DAB1: variants seen among roughly 807,000 people sequenced by gnomAD.
DAB1 encodes DAB adaptor protein 1.
In DAB1, 15 loss-of-function variants were observed where a neutral mutation model predicts 64.6. That is an observed-to-expected ratio of 0.23 (90% CI 0.16 to 0.36). The LOEUF (loss-of-function observed/expected upper bound fraction) is 0.36, where lower values mean the gene tolerates loss of function less well. Ranked by LOEUF, DAB1 falls within the 10% of genes least tolerant of loss-of-function variation. The probability of loss-of-function intolerance (pLI) is 1.00; values close to 1 mark genes in which losing one functional copy is unlikely to be tolerated. For missense variants in DAB1, 596 were observed against 706.7 expected, an observed-to-expected ratio of 0.84 and a Z score of 1.78; for synonymous variants, 235 against 251.9, an observed-to-expected ratio of 0.93 and a Z score of 0.64.
intron 5 of DAB1, among the ~76,000 whole-genome samples, chr1:58,080,634 G>A (rs961986331): frequency 1.3e-5 from 2 of 152,216 alleles, no homozygotes; most frequent in Non-Finnish European, 2.9e-5. Flanking sequence ...AATTTGGGCT[G>A]TGCCTCTCAT....
chr1:58,347,375 T>C (rs913821071), intron 3 of DAB1, among the ~76,000 whole-genome samples: 2 of 152,210 alleles, frequency 1.3e-5, no homozygotes, highest in African/African-American at 4.8e-5. Flanking sequence ...CCCAAAGTGC[T>C]GATTGCAGGC....
At chr1:57,053,761 C>T (rs11589281) in intron 9 of DAB1, among the ~76,000 whole-genome samples, 48,776 of 144,640 alleles carry the variant, frequency 0.34, 9,060 homozygotes, top group Middle Eastern at 0.47. Context: ...GATCTCGGCT[C>T]ACTGAAACCT....
intron 2 of DAB1, among the ~76,000 whole-genome samples, chr1:57,175,878 ATTC>A (rs1158325959): frequency 1.3e-5 from 2 of 152,208 alleles, no homozygotes; most frequent in East Asian, 3.9e-4. Context: ...CCAGGCTGAT[ATTC>A]TGAGTAGACT....
intron 3 of DAB1, among the ~76,000 whole-genome samples, chr1:58,421,303 A>T (rs949990136): frequency 6.6e-6 from 1 of 152,224 alleles, no homozygotes; most frequent in Admixed American, 6.5e-5. Flanking sequence ...TTACAATGTG[A>T]TGCCTAATAT....
chr1:58,299,846 AG>A (rs1662081117), intron 4 of DAB1, among the ~76,000 whole-genome samples: 1 of 152,136 alleles, frequency 6.6e-6, no homozygotes, highest in Non-Finnish European at 1.5e-5. Flanking sequence ...TGGGCTTGCT[AG>A]TACATACCTT....
At chr1:57,080,754 AC>A (rs1652432887) in intron 4 of DAB1, among the ~76,000 whole-genome samples, 1 of 119,360 alleles carries the variant, frequency 8.4e-6, no homozygotes, top group Admixed American at 8.0e-5. Flanking sequence ...ACACACACAC[AC>A]GCACACACAC....
At chr1:57,282,771 TTA>T (rs1343013865) in intron 2 of DAB1, among the ~76,000 whole-genome samples, 1 of 152,180 alleles carries the variant, frequency 6.6e-6, no homozygotes, top group Non-Finnish European at 1.5e-5. Context: ...TCAGAAAAAT[TTA>T]TCTTTTCTTA....
chr1:57,856,958 T>C (rs1289215630), intron 1 of DAB1, among the ~76,000 whole-genome samples: 1 of 152,022 alleles, frequency 6.6e-6, no homozygotes, highest in Non-Finnish European at 1.5e-5. Context: ...CTTTCACTGA[T>C]TAAAAGGATG....
At chr1:58,399,561 G>C (rs1365336575) in intron 3 of DAB1, among the ~76,000 whole-genome samples, 1 of 152,214 alleles carries the variant, frequency 6.6e-6, no homozygotes, top group Admixed American at 6.5e-5. Flanking sequence ...TGGTGAATCT[G>C]AGAACCAAAC....
At chr1:57,314,255 C>T (rs1674992676) in intron 1 of DAB1, among the ~76,000 whole-genome samples, 1 of 152,168 alleles carries the variant, frequency 6.6e-6, no homozygotes, top group South Asian at 2.1e-4. Flanking sequence ...AAACATTTTC[C>T]CACCAAGGGG....
chr1:58,479,765 T>C (rs1645454793), intron 3 of DAB1, among the ~76,000 whole-genome samples: 1 of 152,196 alleles, frequency 6.6e-6, no homozygotes, highest in Admixed American at 6.5e-5. Context: ...AATGGACAGA[T>C]TTGTAGTCAG....
At chr1:57,474,222 T>C (rs1407244982) in intron 7 of DAB1, among the ~76,000 whole-genome samples, 2 of 152,210 alleles carry the variant, frequency 1.3e-5, no homozygotes, top group African/African-American at 2.4e-5. Flanking sequence ...GTGAAGCAGA[T>C]AGTAAGGCTA....
chr1:57,615,466 G>C (rs1025024181), intron 7 of DAB1, among the ~76,000 whole-genome samples: 1 of 152,292 alleles, frequency 6.6e-6, no homozygotes, highest in South Asian at 2.1e-4. Flanking sequence ...GGACTTCACA[G>C]AGTAGCACTG....
intron 1 of DAB1, among the ~76,000 whole-genome samples, chr1:57,298,710 T>C (rs1038547866): frequency 2.6e-5 from 4 of 151,778 alleles, no homozygotes; most frequent in African/African-American, 7.3e-5. Flanking sequence ...TAGGATAAAC[T>C]AAATAAACAA....
intron 4 of DAB1, among the ~76,000 whole-genome samples, chr1:58,162,042 C>A (rs1001989099): frequency 6.6e-6 from 1 of 152,038 alleles, no homozygotes; most frequent in Non-Finnish European, 1.5e-5. Flanking sequence ...TACAGAGGGG[C>A]TGAGACAGGT....
intron 6 of DAB1, among the ~76,000 whole-genome samples, chr1:57,660,676 A>T (rs1646376317): frequency 6.6e-6 from 1 of 152,154 alleles, no homozygotes; most frequent in Admixed American, 6.5e-5. Context: ...TTGCTCCCCT[A>T]ATGTCCTTGG....
intron 6 of DAB1, among the ~76,000 whole-genome samples, chr1:57,804,234 G>A (rs1651259983): frequency 6.6e-6 from 1 of 152,150 alleles, no homozygotes; most frequent in Non-Finnish European, 1.5e-5. Context: ...GGCTAAAGCT[G>A]GTATGGAACT....
chr1:57,661,426 T>C (rs1177353697), intron 6 of DAB1, among the ~76,000 whole-genome samples: 2 of 152,218 alleles, frequency 1.3e-5, no homozygotes, highest in African/African-American at 4.8e-5. Flanking sequence ...GGTTACCTTC[T>C]TGACACCAGA....
chr1:58,209,593 T>C (rs546443779), intron 4 of DAB1, among the ~76,000 whole-genome samples: 4 of 152,200 alleles, frequency 2.6e-5, no homozygotes, highest in Non-Finnish European at 5.9e-5. Flanking sequence ...GTCAGCACTG[T>C]GTAGACCTTC....
Sources: gnomAD v4.1 joint callset for allele counts (sites outside exome capture counted in the v4.1 genomes callset) on GRCh38, gnomAD v4.1.1 for gene constraint, MANE v1.5 for transcripts, NCBI Gene and HGNC (gene_info 2026-07-23, HGNC 2026-07-21) for gene names.